Variants in CDH23 observed in about 807,000 individuals in gnomAD.
CDH23 encodes the protein cadherin-23.
In CDH23, 189 loss-of-function variants were observed where a neutral mutation model predicts 317.1. The ratio of observed to expected loss-of-function variants is 0.60; its 90% CI spans 0.53 to 0.67. The LOEUF is 0.67. CDH23 is among the 30% of genes least tolerant of loss of function. The pLI is 0.00. For synonymous variants in CDH23, 1,839 were observed against 1,876.8 expected, an observed-to-expected ratio of 0.98 and a Z score of 0.52; for missense variants, 4,401 against 4,592.4, an observed-to-expected ratio of 0.96 and a Z score of 1.20.
At chr10:71,689,116 G>T (rs1865072561) in intron 19 of CDH23, among the ~76,000 whole-genome samples, 1 of 133,728 alleles carries the variant, frequency 7.5e-6, no homozygotes, top group African/African-American at 2.6e-5. Context: ...GTCAGGGGTG[G>T]TGGAGCCAGG....
At chr10:71,430,575 G>A (rs901796972) in intron 1 of CDH23, among the ~76,000 whole-genome samples, 39 of 152,320 alleles carry the variant, frequency 2.6e-4, no homozygotes, top group South Asian at 4.1e-4. Context: ...TTGGGAGGCC[G>A]AGGTGGGCGG....
chr10:71,485,012 GTTTCT>G (rs1457154493), intron 3 of CDH23, among the ~76,000 whole-genome samples: 3 of 143,818 alleles, frequency 2.1e-5, no homozygotes, highest in African/African-American at 7.8e-5. Context: ...CTTTCTTTTC[GTTTCT>G]TTTTTCTTTT....
chr10:71,532,931 C>A (rs1265356586), intron 6 of CDH23, among the ~76,000 whole-genome samples: 2 of 152,030 alleles, frequency 1.3e-5, no homozygotes, highest in African/African-American at 4.8e-5. Context: ...GGGGTTTCAC[C>A]ATGTGGGCCA....
In CDH23 at chr10:71,510,986, C is replaced by G. The variant is rs761122371; in HGVS notation, c.321C>G (p.Val107=). 9.3e-6 allele frequency: 15 copies of G among 1,613,932 alleles called. No individual in the cohort carries two copies. In the South Asian group the frequency reaches 1.2e-4, roughly 13 times the overall value. Residue 107 remains valine, a synonymous_variant, in exon 5 of 70, where the codon GTC becomes GTG. Transcript: ENST00000224721. ...TKSEFTVEFS[V]SDHQGVITRK... ...CAGAGTTCACCGTGGAGTTCTCTGT[C>G]AGCGACCACCAGGGGGTGAGTGTTC...
At chr10:71,798,055 G>C (rs939290690) in intron 49 of CDH23, among the ~76,000 whole-genome samples, 1 of 152,210 alleles carries the variant, frequency 6.6e-6, no homozygotes, top group African/African-American at 2.4e-5. Flanking sequence ...GCTCAGACAG[G>C]ATCTAGGGTC....
In CDH23 at chr10:71,615,589, C is replaced by T; in HGVS notation, c.918C>T (p.Tyr306=). The T allele has an allele frequency of 6.2e-7, 1 of 1,613,958 alleles. No individual in the cohort carries two copies. The highest frequency in any genetic ancestry group is 1.7e-5 in the Admixed American group (1 of 60,028). ...NGLLDRENPL[Y]SHGFILTVKG... Reference sequence around the variant, plus strand: ...TGCTGGACCGGGAGAACCCCCTGTACAGCCATGGCTTCATCCTGACTGTGA... The same window carrying T: ...TGCTGGACCGGGAGAACCCCCTGTATAGCCATGGCTTCATCCTGACTGTGA... Residue 306 remains tyrosine (Y), a synonymous_variant, in exon 10 of 70, where the codon TAC becomes TAT. Transcript: ENST00000224721.
At chr10:71,625,396 TAAAA>T (rs1156772192) in intron 11 of CDH23, among the ~76,000 whole-genome samples, 5 of 19,796 alleles carry the variant, frequency 2.5e-4, no homozygotes, top group Admixed American at 1.4e-3. Context: ...CCAAATAAAT[TAAAA>T]AAAAAAAAAA....
chr10:71,473,218 G>A (rs961728954), intron 3 of CDH23, among the ~76,000 whole-genome samples: 3 of 152,204 alleles, frequency 2.0e-5, no homozygotes, highest in Admixed American at 6.5e-5. Context: ...CTGGAGAGGC[G>A]GTGTTCTGGA....
At chr10:71,573,664 C>T (rs1057501189) in intron 8 of CDH23, among the ~76,000 whole-genome samples, 1 of 152,226 alleles carries the variant, frequency 6.6e-6, no homozygotes, top group Non-Finnish European at 1.5e-5. Flanking sequence ...TCCTTTGTCT[C>T]CACAAGGGCA....
chr10:71,515,336 T>C (rs1203984869), intron 6 of CDH23, among the ~76,000 whole-genome samples: 1 of 151,448 alleles, frequency 6.6e-6, no homozygotes, highest in Non-Finnish European at 1.5e-5. Context: ...GCCAATTCAA[T>C]GGCAATGGAT....
intron 14 of CDH23, among the ~76,000 whole-genome samples, chr10:71,667,560 G>C (rs993861083): frequency 6.6e-6 from 1 of 151,842 alleles, no homozygotes. Context: ...AGAGAAAGGG[G>C]TTGTGTGTGG....
At chr10:71,660,206 C>G (rs535397307) in intron 14 of CDH23, among the ~76,000 whole-genome samples, 1 of 151,954 alleles carries the variant, frequency 6.6e-6, no homozygotes, top group Non-Finnish European at 1.5e-5. Context: ...TGATCCACCC[C>G]GCTCGGCCTC....
rs774032276 is a variant in CDH23, at chr10:71,811,342, G to A, written c.9105G>A (p.Lys3035=). 4 of 1,613,894 alleles carry A rather than the reference G, an allele frequency of 2.5e-6. No individual in the cohort carries two copies. The East Asian group carries it at 8.9e-5, about 36-fold the overall frequency. Reference sequence around the variant, plus strand: ...TGATCCAGATGATCGATGAGAACAAGGAGCAGCTACGGAATCTTTTCCGGA... The same window carrying A: ...TGATCCAGATGATCGATGAGAACAAAGAGCAGCTACGGAATCTTTTCCGGA... ...DRVIQMIDEN[K]EQLRNLFRNY... is the part of the protein sequence containing the mutation. The change falls in exon 63 of 70, where the codon AAG becomes AAA. Residue 3035 remains lysine, a synonymous_variant. Transcript: ENST00000224721.
intron 3 of CDH23, among the ~76,000 whole-genome samples, chr10:71,447,256 T>C (rs1444038384): frequency 6.6e-6 from 1 of 152,130 alleles, no homozygotes; most frequent in African/African-American, 2.4e-5. Flanking sequence ...GCAGGATGGC[T>C]CGGAGTGGGG....
intron 11 of CDH23, among the ~76,000 whole-genome samples, chr10:71,633,513 C>T (rs1311996514): frequency 6.6e-6 from 1 of 152,192 alleles, no homozygotes; most frequent in African/African-American, 2.4e-5. Flanking sequence ...ACACACAGGA[C>T]TGTCACCAGG....
intron 6 of CDH23, among the ~76,000 whole-genome samples, chr10:71,555,308 T>C (rs1856819602): frequency 6.6e-6 from 1 of 152,194 alleles, no homozygotes; most frequent in Admixed American, 6.5e-5. Context: ...GTATCAGGGC[T>C]GCACCGTCAC....
intron 9 of CDH23, among the ~76,000 whole-genome samples, chr10:71,584,619 A>G (rs1287741693): frequency 6.6e-6 from 1 of 151,530 alleles, no homozygotes; most frequent in Non-Finnish European, 1.5e-5. Context: ...GCACAACCTC[A>G]CACCCCCCAC....
At chr10:71,616,492 G>GC (rs898762352) in intron 10 of CDH23, among the ~76,000 whole-genome samples, 2 of 152,232 alleles carry the variant, frequency 1.3e-5, no homozygotes, top group African/African-American at 4.8e-5. Flanking sequence ...AGAGAGAGCT[G>GC]CCCCCTGGTC....
intron 1 of CDH23, among the ~76,000 whole-genome samples, chr10:71,424,605 G>A (rs1053262052): frequency 1.8e-4 from 27 of 152,232 alleles, no homozygotes; most frequent in African/African-American, 6.0e-4. Flanking sequence ...CTGTGCCCAG[G>A]CCTTCCCTGC....
Sources: allele counts gnomAD v4.1 joint callset (sites outside exome capture counted in the v4.1 genomes callset), GRCh38; gene constraint gnomAD v4.1.1; transcripts MANE v1.5; gene names NCBI Gene and HGNC (gene_info 2026-07-23, HGNC 2026-07-21).